The following PUS3 variants were observed in gnomAD, a reference collection of about 807,000 sequenced individuals.
PUS3 encodes tRNA pseudouridine(38/39) synthase.
In PUS3, 36 loss-of-function variants were observed where a neutral mutation model predicts 43.3. The ratio of observed to expected loss-of-function variants is 0.83; its 90% CI spans 0.64 to 1.10. The LOEUF is 1.10. PUS3 is among the 50% of genes least tolerant of loss of function. The pLI is 0.00. For synonymous variants in PUS3, 183 were observed against 199.2 expected, an observed-to-expected ratio of 0.92 and a Z score of 0.69; for missense variants, 544 against 589.9, an observed-to-expected ratio of 0.92 and a Z score of 0.81.
intron 1 of PUS3, chr11:125,899,528 G>C: frequency 1.2e-6 from 2 of 1,614,138 alleles, no homozygotes. Flanking sequence ...CTACAGTAAA[G>C]CTTCAGTAGC....
intron 1 of PUS3, among the ~76,000 whole-genome samples, chr11:125,902,279 C>G (rs918831196): frequency 1.3e-5 from 2 of 149,628 alleles, no homozygotes; most frequent in African/African-American, 4.9e-5. Flanking sequence ...CAATTACAAA[C>G]TAAAACGGCC....
At chr11:125,899,061 T>C (rs890513152) in intron 1 of PUS3, 25 of 335,156 alleles carry the variant, frequency 7.5e-5, no homozygotes, top group Non-Finnish European at 1.2e-4. Context: ...TATCATGTAG[T>C]TTCAAGCTTT....
Position 125,893,796 on chromosome 11 carries a change from T to G in PUS3, c.1435A>C (p.Ser479Arg). ...CAAATTGTCTATGGTTAAATGATGC[T>G]TTTAATTTCTGTGTCAACACAGACC... ...KRVCVDTEIK[S>R]II The change falls in exon 4 of 4, where the codon AGC becomes CGC. Residue 479 changes from serine (S) to arginine (R), a missense_variant. Physicochemically the swap from Ser to Arg is moderately radical, Grantham distance 110. Transcript: ENST00000227474. 6.2e-7 allele frequency: 1 copy of G among 1,609,306 alleles called. No individual in the cohort carries two copies. The highest frequency in any genetic ancestry group is 8.5e-7 in the Non-Finnish European group (1 of 1,176,868).
intron 1 of PUS3, chr11:125,899,242 A>C: frequency 1.3e-6 from 1 of 789,340 alleles, no homozygotes. Context: ...GGCCTTAGCC[A>C]TTCTTTCTCC....
In PUS3 at chr11:125,896,021, G is replaced by A. The variant is rs1397338966; in HGVS notation, c.264C>T (p.Thr88=). Residue 88 remains threonine, a synonymous_variant, in exon 2 of 4, where the codon ACC becomes ACT. Transcript: ENST00000227474. The stretch of plus-strand genomic sequence containing the variant: ...GAGCTTCAAACAGTTTCTCTTCAAT[G>A]GTATTATTTGTGTTTTCCTGACTAG... ...GFASQENTNN[T]IEEKLFEALT... 1 of 1,614,132 alleles carries A rather than the reference G, an allele frequency of 6.2e-7. No individual in the cohort carries two copies.
Position 125,894,262 on chromosome 11 carries a change from G to A in PUS3, c.969C>T (p.Val323=), listed in dbSNP as rs1184241720. 1.2e-6 allele frequency: 2 copies of A among 1,609,298 alleles called. No individual in the cohort carries two copies. The highest frequency in any genetic ancestry group is 2.7e-5 in the African/African-American group (2 of 74,754). Residue 323 remains valine (V), a synonymous_variant, in exon 4 of 4, where the codon GTC becomes GTT. Transcript: ENST00000227474. ...QYSMAVEFPL[V]LYDCKFENVK... ...CATTTTCAAACTTACAGTCATATAA[G>A]ACTAGAGGAAATTCTACAGCCATAC...
chr11:125,901,107 T>C (rs570858557), intron 1 of PUS3, among the ~76,000 whole-genome samples: 2 of 151,252 alleles, frequency 1.3e-5, no homozygotes, highest in East Asian at 3.9e-4. Flanking sequence ...TTACTAAAGG[T>C]GTACAACAAA....
intron 1 of PUS3, chr11:125,899,264 A>G: frequency 1.0e-6 from 1 of 974,004 alleles, no homozygotes; most frequent in South Asian, 1.5e-5. Context: ...TTTGACTGCT[A>G]TAAAACGGAG....
chr11:125,894,002 G>A lies in PUS3; in HGVS notation c.1229C>T (p.Thr410Ile). Residue 410 changes from threonine (T) to isoleucine (I), a missense_variant, in exon 4 of 4, where the codon ACA (threonine) becomes ATA (isoleucine). Coordinates refer to ENST00000227474, the MANE Select transcript of PUS3 (RefSeq NM_031307.4). The part of the protein sequence containing the change: ...SAFVEGVKMR[T>I]YKPLMDRPKC... ...AGGACGGTCCATGAGGGGCTTATAT[G>A]TGCGCATCTTCACTCCTTCTACAAA... The A allele has an allele frequency of 6.2e-7, 1 of 1,614,172 alleles. No homozygotes were observed.
intron 1 of PUS3, among the ~76,000 whole-genome samples, chr11:125,898,884 A>G (rs1363275670): frequency 3.3e-5 from 5 of 152,152 alleles, no homozygotes; most frequent in African/African-American, 4.8e-5. Flanking sequence ...ACCTTGGGCA[A>G]GTTATTTAAC....
chr11:125,899,646 T>C, intron 1 of PUS3: 1 of 1,614,082 alleles, frequency 6.2e-7, no homozygotes, highest in East Asian at 2.2e-5. Context: ...CGAAAGCCAG[T>C]GATGAAGAGA....
At chr11:125,896,679 T>G (rs1433496698) in intron 1 of PUS3, among the ~76,000 whole-genome samples, 1 of 152,262 alleles carries the variant, frequency 6.6e-6, no homozygotes, top group Non-Finnish European at 1.5e-5. Flanking sequence ...TCCATTTGAT[T>G]TCTCACTGTA....
intron 1 of PUS3, chr11:125,899,585 G>A (rs1467039146): frequency 2.5e-6 from 4 of 1,614,162 alleles, no homozygotes; most frequent in Admixed American, 3.3e-5. Flanking sequence ...GTACCCACAT[G>A]TAGAAAGTAA....
rs1355080500 is a variant in PUS3 at position 125,896,114 on chromosome 11, GA to G, written c.170del (p.Phe57SerfsTer9). On this transcript the variant is annotated frameshift_variant, in exon 2 of 4. Coordinates refer to ENST00000227474, the MANE Select transcript of PUS3 (RefSeq NM_031307.4). LOFTEE classifies it high-confidence loss of function. ...CTACGTGTCTTCGGCCATGAGCACTGAAATCAAATGCACGCTTAGTTTTTCC... is the reference window on the plus strand; with the variant it reads ...CTACGTGTCTTCGGCCATGAGCACTGAATCAAATGCACGCTTAGTTTTTCC... ...GAGKTKRAFD[F>X]SAHGRRHVAL... The G allele has an allele frequency of 6.2e-7, 1 of 1,614,182 alleles. No individual in the cohort carries two copies. The highest frequency in any genetic ancestry group is 1.1e-5 in the South Asian group (1 of 91,086).
chr11:125,897,213 T>A (rs993489483), intron 1 of PUS3, among the ~76,000 whole-genome samples: 2 of 152,198 alleles, frequency 1.3e-5, no homozygotes, highest in Non-Finnish European at 2.9e-5. Flanking sequence ...ATAGGTAGCT[T>A]AGTTTTTTAC....
rs1441624041 is a variant in PUS3, at chr11:125,895,583, G to T, written c.585C>A (p.Tyr195Ter). Residue 195 changes from tyrosine (Y) to a stop codon, truncating the protein, a stop_gained, in exon 3 of 4, where the codon TAC (tyrosine) becomes TAA (stop). Coordinates refer to ENST00000227474, the MANE Select transcript of PUS3 (RefSeq NM_031307.4). LOFTEE classifies it high-confidence loss of function. Reference protein sequence around the residue: ...SARFSCLERTYRYFFPRADLD... With the variant: ...SARFSCLERT ...AATCAGCACGAGGGAAAAAATAGCG[G>T]TAAGTCCGCTCAAGGCAGCTGAACC... is the stretch of plus-strand genomic sequence containing the variant. 1 of 1,614,210 alleles carries T rather than the reference G, an allele frequency of 6.2e-7. No homozygotes were observed. The highest frequency in any genetic ancestry group is 8.5e-7 in the Non-Finnish European group (1 of 1,180,042).
In PUS3 at chr11:125,896,174, C is replaced by T. The variant is rs764396386; in HGVS notation, c.111G>A (p.Glu37=). Residue 37 remains glutamate, a synonymous_variant, in exon 2 of 4, where the codon GAG becomes GAA. Transcript: ENST00000227474. ...CTGAATTTTCTCTAATGTTTGAGTC[C>T]TCCTTATTTTTGGCCTGTTCCTTTT... ...RLKKEQAKNK[E]DSNIRENSAG... The T allele has an allele frequency of 3.7e-6, 6 of 1,613,984 alleles. No individual in the cohort carries two copies. The highest frequency in any genetic ancestry group is 2.2e-5 in the South Asian group (2 of 91,078).
chr11:125,895,825 C>T (rs1944566631), intron 2 of PUS3, 36 bp from the exon 3 acceptor site: 1 of 1,579,274 alleles, frequency 6.3e-7, no homozygotes, highest in South Asian at 1.2e-5. Flanking sequence ...GTTTTAGAGA[C>T]ACAAATAATC....
Position 125,893,715 on chromosome 11 carries a change from A to ATTTTTTTTTTT in PUS3, c.*59_*69dup, listed in dbSNP as rs35423925. On this transcript the variant is annotated 3_prime_UTR_variant, in exon 4 of 4. Coordinates refer to ENST00000227474, the MANE Select transcript of PUS3 (RefSeq NM_031307.4). ...CTGAATTCCTAGTACTTGCAAGTAA[A>ATTTTTTTTTTT]TTTTTTTTTTTTTCCTTTTCTGTCC... The ATTTTTTTTTTT allele has an allele frequency of 1.1e-6, 1 of 924,570 alleles. No homozygotes were observed. The allele number at this position is 924,570 out of a possible 1,614,324, so 57.3% of individuals were successfully genotyped here. A position where few individuals can be genotyped will look rare whatever the true frequency, so the allele number is the denominator to read the frequency against.
Sources: allele counts gnomAD v4.1 joint callset (sites outside exome capture counted in the v4.1 genomes callset), GRCh38; gene constraint gnomAD v4.1.1; transcripts MANE v1.5; gene names NCBI Gene and HGNC (gene_info 2026-07-23, HGNC 2026-07-21).